ERLN: variants seen among roughly 807,000 people sequenced by gnomAD.
ERLN encodes the protein endoregulin.
At chr17:75,647,137 C>T in the ERLN span, among the ~76,000 whole-genome samples, 44 of 152,188 alleles carry the variant, frequency 2.9e-4, no homozygotes, top group Admixed American at 7.9e-4. Context: ...AATCCAGGGC[C>T]CCACTTCTTG....
At chr17:75,647,527 A>C in the ERLN span, 1 of 1,550,266 alleles carries the variant, frequency 6.5e-7, no homozygotes. Flanking sequence ...ACTCACTTCC[A>C]CAGAAAACAC....
the ERLN span, among the ~76,000 whole-genome samples, chr17:75,647,176 G>A: frequency 2.6e-5 from 4 of 152,316 alleles, no homozygotes; most frequent in Admixed American, 2.0e-4. Context: ...TATCTAGAGC[G>A]GGGGAAATGC....
chr17:75,647,619 C>G, the ERLN span: 1 of 1,522,032 alleles, frequency 6.6e-7, no homozygotes. Flanking sequence ...GACCTGCCCC[C>G]ATTCCAGTGG....
At chr17:75,647,281 C>A in the ERLN span, 1 of 1,147,832 alleles carries the variant, frequency 8.7e-7, no homozygotes, top group Non-Finnish European at 1.2e-6. Flanking sequence ...GAGGCTGCTA[C>A]AGAGGCTGGA....
At chr17:75,647,106 C>G in the ERLN span, among the ~76,000 whole-genome samples, 6 of 152,256 alleles carry the variant, frequency 3.9e-5, no homozygotes, top group African/African-American at 1.4e-4. Context: ...ACTGGAGAAT[C>G]CAGGGGCATC....
the ERLN span, chr17:75,646,540 A>C: frequency 3.3e-5 from 5 of 152,402 alleles, no homozygotes; most frequent in African/African-American, 9.6e-5. Context: ...GAAAGGCAGA[A>C]AGGGAGCCGT....
the ERLN span, chr17:75,647,778 C>A: frequency 1.8e-6 from 1 of 555,408 alleles, no homozygotes; most frequent in South Asian, 2.5e-5. Flanking sequence ...AATTCTGGCT[C>A]CTTGACCCTA....
chr17:75,647,619 C>A, the ERLN span: 2 of 1,522,032 alleles, frequency 1.3e-6, no homozygotes, highest in Admixed American at 2.0e-5. Flanking sequence ...GACCTGCCCC[C>A]ATTCCAGTGG....
the ERLN span, chr17:75,647,712 C>T: frequency 9.3e-6 from 7 of 754,076 alleles, no homozygotes; most frequent in South Asian, 1.9e-5. Flanking sequence ...TAGTAAAATA[C>T]TGTATCTGGC....
At chr17:75,647,699 G>A in the ERLN span, 1 of 847,776 alleles carries the variant, frequency 1.2e-6, no homozygotes, top group African/African-American at 1.7e-5. Flanking sequence ...TCAGGAAAAA[G>A]TCTAGTAAAA....
the ERLN span, among the ~76,000 whole-genome samples, chr17:75,646,989 G>A: frequency 1.3e-5 from 2 of 152,190 alleles, no homozygotes; most frequent in African/African-American, 4.8e-5. Context: ...GGCAGTTGGG[G>A]CAGGAAAAAC....
At chr17:75,647,333 G>A in the ERLN span, 4 of 1,499,706 alleles carry the variant, frequency 2.7e-6, no homozygotes, top group Non-Finnish European at 3.6e-6. Flanking sequence ...GGCCTGGGAG[G>A]GCTGCCTGCA....
the ERLN span, chr17:75,647,398 G>A: frequency 3.2e-6 from 5 of 1,549,640 alleles, no homozygotes; most frequent in Admixed American, 3.9e-5. Flanking sequence ...GGTATTCAAA[G>A]AGACAATCTG....
At chr17:75,647,686 C>T in the ERLN span, 3 of 967,082 alleles carry the variant, frequency 3.1e-6, no homozygotes, top group Non-Finnish European at 4.6e-6. Flanking sequence ...TCTTCCTTTC[C>T]CATCAGGAAA....
chr17:75,646,290 C>G, the ERLN span: 1 of 152,402 alleles, frequency 6.6e-6, no homozygotes, highest in Non-Finnish European at 1.5e-5. Context: ...TACGCCAGTC[C>G]CAGCCCCAGG....
At chr17:75,647,295 G>A in the ERLN span, 45 of 1,298,680 alleles carry the variant, frequency 3.5e-5, no homozygotes, top group African/African-American at 2.1e-4. Context: ...GGCTGGAGTC[G>A]GCGGGCAGAG....
chr17:75,647,604 G>C, the ERLN span: 322 of 1,539,746 alleles, frequency 2.1e-4, no homozygotes, highest in Non-Finnish European at 2.7e-4. Flanking sequence ...CAGGGGAGGC[G>C]AGCTGACCTG....
the ERLN span, chr17:75,647,924 T>C: frequency 1.4e-5 from 3 of 213,996 alleles, no homozygotes; most frequent in South Asian, 4.7e-4. Flanking sequence ...CACAAATCCT[T>C]GACAGAGAAA....
chr17:75,646,514 G>T, the ERLN span: 1 of 152,370 alleles, frequency 6.6e-6, no homozygotes, highest in African/African-American at 2.4e-5. Context: ...GCAGAAAGGA[G>T]CTGAAGGGGG....
Sources: allele counts gnomAD v4.1 joint callset (sites outside exome capture counted in the v4.1 genomes callset), GRCh38; gene constraint gnomAD v4.1.1; transcripts MANE v1.5; gene names NCBI Gene and HGNC (gene_info 2026-07-23, HGNC 2026-07-21).